Variants in PCCA observed in about 807,000 individuals in gnomAD.
The protein encoded by PCCA is propionyl-CoA carboxylase subunit alpha.
In PCCA, 74 loss-of-function variants were observed where a neutral mutation model predicts 101.3. The observed-to-expected ratio is 0.73, with a 90% confidence interval of 0.61 to 0.89. PCCA has a LOEUF of 0.89. Ranked by LOEUF, PCCA falls within the 40% of genes least tolerant of loss-of-function variation. PCCA has a pLI of 0.00. For missense variants in PCCA, 891 were observed against 907.0 expected (o/e 0.98, Z 0.23); for synonymous variants, 294 against 313.6 (o/e 0.94, Z 0.66).
In PCCA at chr13:100,278,116, A is replaced by G. The variant is rs192781152; in HGVS notation, c.1065+4770A>G. Among the ~76,000 whole-genome samples, 12 of 152,284 alleles carry G rather than the reference A, an allele frequency of 7.9e-5. 1 individual carries two copies. Among genetic ancestry groups the G allele is most frequent in the African/African-American group, 2.9e-4 (12 of 41,558 alleles). The stretch of plus-strand genomic sequence containing the variant: ...GAAGTGACAGAATTTTGCCTTTTGA[A>G]GGTTAATTTGATTTTGATTAAAATG... On this transcript the variant is annotated intron_variant, in intron 12 of 23. Coordinates refer to ENST00000376285, the MANE Select transcript of PCCA (RefSeq NM_000282.4).
intron 8 of PCCA, among the ~76,000 whole-genome samples, chr13:100,256,472 AG>A (rs1292302006): frequency 6.6e-6 from 1 of 152,140 alleles, no homozygotes; most frequent in Non-Finnish European, 1.5e-5. Flanking sequence ...CTGTCTTCTC[AG>A]TGCACTGAGC....
intron 22 of PCCA, among the ~76,000 whole-genome samples, chr13:100,516,929 G>GGTTTT (rs1188616292): frequency 6.6e-6 from 1 of 151,922 alleles, no homozygotes; most frequent in Admixed American, 6.6e-5. Flanking sequence ...ACAATATAAG[G>GGTTTT]GTTTTGTTTT....
intron 16 of PCCA, among the ~76,000 whole-genome samples, chr13:100,329,036 A>T (rs1211002570): frequency 7.1e-6 from 1 of 140,866 alleles, no homozygotes; most frequent in African/African-American, 2.6e-5. Flanking sequence ...TGTTTGTTCT[A>T]GTACCATTTA....
intron 6 of PCCA, among the ~76,000 whole-genome samples, chr13:100,183,124 G>A (rs192803595): frequency 1.3e-5 from 2 of 152,288 alleles, no homozygotes; most frequent in African/African-American, 2.4e-5. Context: ...TAAAGGGTCT[G>A]TGTGTGTGCG....
chr13:100,478,355 G>A (rs962034969), intron 21 of PCCA, among the ~76,000 whole-genome samples: 2 of 152,150 alleles, frequency 1.3e-5, no homozygotes, highest in Admixed American at 6.5e-5. Flanking sequence ...AGGAGTTTGG[G>A]GCTCTGGGAT....
chr13:100,110,135 AAAACAAAC>A (rs144754073), intron 2 of PCCA, among the ~76,000 whole-genome samples: 1 of 152,120 alleles, frequency 6.6e-6, no homozygotes, highest in Non-Finnish European at 1.5e-5. Context: ...TCCATCTCAA[AAAACAAAC>A]AAACAAACAA....
Position 100,530,084 on chromosome 13 carries a change from T to A in PCCA, c.2119-14T>A. On this transcript the variant is annotated splice_polypyrimidine_tract_variant and intron_variant, in intron 23 of 23. Coordinates refer to ENST00000376285, the MANE Select transcript of PCCA (RefSeq NM_000282.4). ...TCTTACTCTCCCCTCCCCCTGCATT[T>A]TTCAAAATTCAAGGTGAAATCTGTG... 1.9e-6 allele frequency: 3 copies of A among 1,611,096 alleles called. No homozygotes were observed. Among genetic ancestry groups the A allele is most frequent in the African/African-American group, 2.7e-5 (2 of 74,972 alleles).
intron 4 of PCCA, chr13:100,150,442 ATTGT>A (rs1179505160): frequency 1.0e-5 from 6 of 574,520 alleles, no homozygotes; most frequent in Non-Finnish European, 1.6e-5. Flanking sequence ...ATTATTTCAA[ATTGT>A]TTATTAGGTA....
intron 7 of PCCA, among the ~76,000 whole-genome samples, chr13:100,216,929 C>A (rs567948824): frequency 6.7e-6 from 1 of 148,918 alleles, no homozygotes; most frequent in South Asian, 2.2e-4. Context: ...ATCAACATGG[C>A]GAAACCCCGT....
chr13:100,469,464 C>T (rs117062555), intron 21 of PCCA, among the ~76,000 whole-genome samples: 2,506 of 152,046 alleles, frequency 0.016, 24 homozygotes, highest in Middle Eastern at 0.061. Flanking sequence ...ATTCCTTGGC[C>T]TTTCTTGTAC....
intron 1 of PCCA, among the ~76,000 whole-genome samples, chr13:100,092,492 C>G (rs1241701592): frequency 6.6e-6 from 1 of 151,988 alleles, no homozygotes; most frequent in Non-Finnish European, 1.5e-5. Context: ...AAGCCATCCT[C>G]CCATCTCAGC....
intron 18 of PCCA, among the ~76,000 whole-genome samples, chr13:100,348,475 T>C (rs1279212316): frequency 6.6e-6 from 1 of 152,212 alleles, no homozygotes; most frequent in East Asian, 1.9e-4. Context: ...TAAACACTTA[T>C]ATTGACAGAA....
chr13:100,262,011 G>T (rs1490528263), intron 9 of PCCA, among the ~76,000 whole-genome samples: 4 of 152,130 alleles, frequency 2.6e-5, no homozygotes, highest in African/African-American at 9.6e-5. Context: ...TCAAACAGAT[G>T]TTTTTTTATA....
Position 100,333,727 on chromosome 13 carries a change from C to A in PCCA, c.1540+3056C>A, listed in dbSNP as rs539034079. On this transcript the variant is annotated intron_variant, in intron 17 of 23. Transcript: ENST00000376285. The stretch of plus-strand genomic sequence containing the variant: ...CCTATACTTCAACCCCAAGCCCCAT[C>A]GAAAGAAATTGTCAGAATTATCTCA... 5.9e-5 allele frequency among the ~76,000 whole-genome samples: 9 copies of A among 152,226 alleles called. No homozygotes were observed. In the South Asian group the frequency reaches 1.9e-3, roughly 32 times the overall value.
Position 100,302,997 on chromosome 13 carries a change from G to T in PCCA, c.1283G>T (p.Gly428Val), listed in dbSNP as rs1186130928. The T allele has an allele frequency of 1.3e-6, 2 of 1,550,692 alleles. No homozygotes were observed. Among genetic ancestry groups the T allele is most frequent in the South Asian group, 2.2e-5 (2 of 89,766 alleles). The change falls in exon 14 of 24, where the codon GGT becomes GTT. Residue 428 changes from glycine (G) to valine (V), a missense_variant and splice_region_variant. Transcript: ENST00000376285. ...SQYQEPLHLPGVRVDSGIQPG... is the reference protein window; with the variant it reads ...SQYQEPLHLPVVRVDSGIQPG... ...TACCAAGAACCGTTACATCTACCTG[G>T]TGTAAGTCATTAAGCTGTAATACCA... is the stretch of plus-strand genomic sequence containing the variant.
intron 19 of PCCA, among the ~76,000 whole-genome samples, chr13:100,418,298 G>A (rs1483754904): frequency 2.0e-5 from 3 of 152,148 alleles, no homozygotes; most frequent in Non-Finnish European, 4.4e-5. Flanking sequence ...GTTAACATGC[G>A]TCTGCTGGTC....
chr13:100,458,259 C>T (rs550101298), intron 21 of PCCA, among the ~76,000 whole-genome samples: 77 of 147,826 alleles, frequency 5.2e-4, no homozygotes, highest in African/African-American at 1.8e-3. Flanking sequence ...CCCAGGAGTT[C>T]AAGACCAGCC....
chr13:100,406,887 G>A (rs187351913), intron 19 of PCCA, among the ~76,000 whole-genome samples: 3 of 152,232 alleles, frequency 2.0e-5, no homozygotes, highest in Admixed American at 2.0e-4. Context: ...TATGAGTCTT[G>A]TACTTTTTCC....
chr13:100,142,995 G>T (rs891015450), intron 4 of PCCA, among the ~76,000 whole-genome samples: 2 of 152,044 alleles, frequency 1.3e-5, no homozygotes. Context: ...TTCACATTTT[G>T]GGCTCTGATT....
Sources: gnomAD v4.1 joint callset for allele counts (sites outside exome capture counted in the v4.1 genomes callset) on GRCh38, gnomAD v4.1.1 for gene constraint, MANE v1.5 for transcripts, NCBI Gene and HGNC (gene_info 2026-07-23, HGNC 2026-07-21) for gene names.